Variants in CLASP2 observed in about 807,000 individuals in gnomAD.
The protein encoded by CLASP2 is CLIP-associating protein 2.
Under a neutral mutation model 194.4 loss-of-function variants are expected in CLASP2, and 47 were observed. That is an observed-to-expected ratio of 0.24 (90% confidence interval 0.19 to 0.31). The LOEUF (loss-of-function observed/expected upper bound fraction) is 0.31, where lower values mean the gene tolerates loss of function less well. Ranked by LOEUF, CLASP2 falls within the 10% of genes least tolerant of loss-of-function variation. The pLI is 1.00. For missense variants in CLASP2, 1,445 were observed against 1,823.6 expected, an observed-to-expected ratio of 0.79 and a Z score of 3.78; for synonymous variants, 619 against 633.5, an observed-to-expected ratio of 0.98 and a Z score of 0.34.
At chr3:33,667,443 A>C (rs1035641914) in intron 6 of CLASP2, among the ~76,000 whole-genome samples, 4 of 146,766 alleles carry the variant, frequency 2.7e-5, no homozygotes, top group African/African-American at 1.0e-4. Context: ...TTTGATTTGC[A>C]AGTATTTACT....
intron 16 of CLASP2, among the ~76,000 whole-genome samples, chr3:33,604,611 G>A (rs958219584): frequency 4.6e-5 from 7 of 152,132 alleles, no homozygotes; most frequent in African/African-American, 2.4e-5. Context: ...GTGAGCCACC[G>A]TGCCTAGCTG....
intron 2 of CLASP2, 86 bp downstream of exon 2, chr3:33,696,769 G>T: frequency 2.2e-6 from 2 of 910,912 alleles, no homozygotes; most frequent in South Asian, 1.5e-5. Flanking sequence ...AATTTACAGA[G>T]AACTATTTCT....
At chr3:33,684,516 C>A in intron 5 of CLASP2, 60 bp from the exon 6 acceptor site, 1 of 1,156,598 alleles carries the variant, frequency 8.6e-7, no homozygotes, top group South Asian at 1.5e-5. Flanking sequence ...AATACTTCAT[C>A]TCAAGGTAAC....
chr3:33,552,971 T>C (rs898951714), intron 29 of CLASP2, among the ~76,000 whole-genome samples: 3 of 152,222 alleles, frequency 2.0e-5, no homozygotes, highest in Non-Finnish European at 4.4e-5. Context: ...ACACAGTCCT[T>C]GGATACAGCA....
At chr3:33,644,732 C>T (rs761754655) in intron 8 of CLASP2, 25 bp downstream of exon 8, 1 of 1,611,874 alleles carries the variant, frequency 6.2e-7, no homozygotes, top group East Asian at 2.2e-5. Flanking sequence ...GCATGCATAA[C>T]AGATTTGAAA....
chr3:33,713,012 C>CAGAAAAAAAA (rs1559717375), intron 1 of CLASP2, among the ~76,000 whole-genome samples: 12 of 46,988 alleles, frequency 2.6e-4, no homozygotes, highest in Non-Finnish European at 4.6e-4. Context: ...AACTCCACCT[C>CAGAAAAAAAA]AAAAAAAAAA....
chr3:33,509,243 A>T (rs1252573665), intron 37 of CLASP2, among the ~76,000 whole-genome samples: 3 of 152,230 alleles, frequency 2.0e-5, no homozygotes, highest in Non-Finnish European at 4.4e-5. Context: ...TGATGTTATT[A>T]CTATTAAAAA....
Position 33,588,570 on chromosome 3 carries a change from T to A in CLASP2, c.2069-3650A>T, listed in dbSNP as rs1006508740. 9.7e-6 allele frequency: 5 copies of A among 517,036 alleles called. No individual in the cohort carries two copies. The South Asian group carries it at 1.7e-4, about 17-fold the overall frequency. 32.0% of individuals were successfully genotyped at this position (517,036 alleles called of 1,614,324 possible). A position where few individuals can be genotyped will look rare whatever the true frequency, so the allele number is the denominator to read the frequency against. ...ACAAAGGCCAAAGAAAAATCACAAT[T>A]GGCAATTTCTGCCCCAGTATGACTA... On this transcript the variant is annotated intron_variant, in intron 21 of 38. Coordinates refer to ENST00000682230, the MANE Select transcript of CLASP2 (RefSeq NM_001365631.1).
chr3:33,579,848 C>T (rs561661589), intron 23 of CLASP2, among the ~76,000 whole-genome samples: 81 of 152,266 alleles, frequency 5.3e-4, no homozygotes, highest in Non-Finnish European at 9.6e-4. Context: ...TCTTAAACCA[C>T]CACACACCCA....
intron 8 of CLASP2, among the ~76,000 whole-genome samples, chr3:33,643,336 T>G (rs1049115893): frequency 1.3e-5 from 2 of 151,714 alleles, no homozygotes; most frequent in African/African-American, 4.8e-5. Flanking sequence ...AATTCAAAAT[T>G]AAGAAAAAGA....
intron 21 of CLASP2, among the ~76,000 whole-genome samples, chr3:33,588,359 T>C (rs1330864328): frequency 6.6e-6 from 1 of 152,160 alleles, no homozygotes; most frequent in African/African-American, 2.4e-5. Flanking sequence ...TACCAGAAAA[T>C]ACCCATATTT....
intron 37 of CLASP2, among the ~76,000 whole-genome samples, chr3:33,507,992 AATAT>A (rs1235546373): frequency 1.3e-5 from 2 of 149,488 alleles, no homozygotes; most frequent in African/African-American, 4.9e-5. Context: ...GTATATATAT[AATAT>A]ATATATATAT....
intron 21 of CLASP2, 145 bp downstream of exon 21, chr3:33,592,250 G>A: frequency 1.4e-6 from 1 of 722,142 alleles, no homozygotes; most frequent in Non-Finnish European, 2.5e-6. Context: ...CTAAAGTACA[G>A]AACAAGAACT....
intron 30 of CLASP2, among the ~76,000 whole-genome samples, chr3:33,549,535 C>T (rs1318185919): frequency 6.7e-6 from 1 of 148,292 alleles, no homozygotes; most frequent in Non-Finnish European, 1.5e-5. Context: ...TTCTAAATAC[C>T]TTTCTATTAT....
At chr3:33,606,491 CT>C in intron 16 of CLASP2, 99 bp downstream of exon 16, 1 of 902,212 alleles carries the variant, frequency 1.1e-6, no homozygotes, top group South Asian at 1.7e-5. Context: ...TCTTTCAAGG[CT>C]TTAGGTGAAA....
chr3:33,550,846 G>C (rs1251827527), intron 30 of CLASP2, among the ~76,000 whole-genome samples: 3 of 152,168 alleles, frequency 2.0e-5, no homozygotes, highest in Non-Finnish European at 4.4e-5. Flanking sequence ...GATACAGAAA[G>C]TATGAGAAAG....
intron 33 of CLASP2, among the ~76,000 whole-genome samples, chr3:33,537,450 A>C (rs2154137621): frequency 6.6e-6 from 1 of 152,316 alleles, no homozygotes; most frequent in East Asian, 1.9e-4. Context: ...GTAACTTTGC[A>C]AACACTGAGA....
intron 7 of CLASP2, among the ~76,000 whole-genome samples, chr3:33,647,893 C>T (rs1559521599): frequency 6.6e-6 from 1 of 151,902 alleles, no homozygotes; most frequent in Non-Finnish European, 1.5e-5. Context: ...ATTAGCCAGG[C>T]GTGGTGGTGG....
intron 9 of CLASP2, among the ~76,000 whole-genome samples, chr3:33,630,924 G>C (rs1427857816): frequency 6.6e-6 from 1 of 152,124 alleles, no homozygotes; most frequent in African/African-American, 2.4e-5. Context: ...AACACAAAAG[G>C]AGGAAGGGAT....
Sources: allele counts gnomAD v4.1 joint callset (sites outside exome capture counted in the v4.1 genomes callset), GRCh38; gene constraint gnomAD v4.1.1; transcripts MANE v1.5; gene names NCBI Gene and HGNC (gene_info 2026-07-23, HGNC 2026-07-21).